COL4A4: variants seen among roughly 807,000 people sequenced by gnomAD.
The protein encoded by COL4A4 is collagen alpha-4(IV) chain.
COL4A4 carries 105 observed loss-of-function variants against 192.9 expected under a neutral mutation model. That is an observed-to-expected ratio of 0.54 (90% CI 0.46 to 0.64). The LOEUF (loss-of-function observed/expected upper bound fraction) is 0.64, where lower values mean the gene tolerates loss of function less well. COL4A4 is among the 30% of genes least tolerant of loss of function. COL4A4 has a pLI of 0.00. For missense variants in COL4A4, 1,967 were observed against 2,169.3 expected (o/e 0.91, Z 1.85); for synonymous variants, 762 against 769.9 (o/e 0.99, Z 0.17).
chr2:227,109,095 T>G, intron 10 of COL4A4, 129 bp downstream of exon 10: 3 of 977,310 alleles, frequency 3.1e-6, no homozygotes, highest in Non-Finnish European at 5.0e-6. Context: ...ATGGTGGGTT[T>G]TCACTGATTC....
chr2:227,049,859 G>C (rs1488884786), intron 34 of COL4A4, among the ~76,000 whole-genome samples: 1 of 152,242 alleles, frequency 6.6e-6, no homozygotes, highest in Non-Finnish European at 1.5e-5. Context: ...GAGCCTGCAG[G>C]CATGCTGTTT....
chr2:227,149,955 G>T (rs1011751361), intron 1 of COL4A4, among the ~76,000 whole-genome samples: 1 of 152,202 alleles, frequency 6.6e-6, no homozygotes, highest in African/African-American at 2.4e-5. Context: ...GACACTGGGA[G>T]TAGCCAATGC....
At chr2:227,000,798 A>C (rs1394166544), downstream of COL4A4, among the ~76,000 whole-genome samples, 1 of 151,790 alleles carries the variant, frequency 6.6e-6, no homozygotes, top group African/African-American at 2.4e-5. Context: ...GGGAGGTCTC[A>C]TGGAATCATG....
At chr2:227,099,533 T>C (rs2060389965) in intron 18 of COL4A4, 87 bp downstream of exon 18, 5 of 1,218,752 alleles carry the variant, frequency 4.1e-6, no homozygotes, top group Non-Finnish European at 6.1e-6. Flanking sequence ...GTGCAAGCTA[T>C]GGAAATACTG....
chr2:227,021,975 A>C (rs1191753412), intron 44 of COL4A4, 73 bp downstream of exon 44: 13 of 1,548,814 alleles, frequency 8.4e-6, no homozygotes, highest in Non-Finnish European at 1.1e-5. Flanking sequence ...AAAAAGCTAC[A>C]AAATAAAAGA....
intron 1 of COL4A4, among the ~76,000 whole-genome samples, chr2:227,158,439 C>T (rs987251868): frequency 6.6e-6 from 1 of 151,854 alleles, no homozygotes. Flanking sequence ...TCTCAGGTAA[C>T]AAGAAAAGCA....
intron 4 of COL4A4, among the ~76,000 whole-genome samples, chr2:227,122,503 G>C (rs1349341520): frequency 2.0e-5 from 3 of 152,176 alleles, no homozygotes; most frequent in African/African-American, 2.4e-5. Context: ...GCTAATACAG[G>C]GTTGCCCCTT....
intron 37 of COL4A4, 82 bp downstream of exon 37, chr2:227,042,066 C>G (rs935790768): frequency 1.2e-5 from 10 of 856,496 alleles, no homozygotes; most frequent in Non-Finnish European, 1.8e-5. Context: ...CAGGGTCACT[C>G]ACTGGTACAG....
rs898057111 is a variant in COL4A4, at chr2:227,007,245, G to C, written c.*80C>G. On this transcript the variant is annotated 3_prime_UTR_variant, in exon 48 of 48. Transcript: ENST00000396625. Reference sequence around the variant, plus strand: ...AAAGGGAGTCCAAAATGAGCACCATGACATCTCTTAGCACAGTCTAGGAAG... The same window carrying C: ...AAAGGGAGTCCAAAATGAGCACCATCACATCTCTTAGCACAGTCTAGGAAG... 5 of 1,588,366 alleles carry C rather than the reference G, an allele frequency of 3.1e-6. No homozygotes were observed. Among genetic ancestry groups the C allele is most frequent in the Admixed American group, 1.7e-5 (1 of 59,966 alleles).
At chr2:227,053,529 A>C (rs903626635) in intron 31 of COL4A4, among the ~76,000 whole-genome samples, 3 of 141,458 alleles carry the variant, frequency 2.1e-5, no homozygotes, top group African/African-American at 7.9e-5. Context: ...TAAAGAAAAC[A>C]TTTTTTTCTT....
rs181740763 is a variant in COL4A4 at position 227,052,594 on chromosome 2, G to A, written c.2861-182C>T. ...TAAAGGAAGGTCAGTCATCTTTTAC[G>A]TTCCTGACCCCATTTGTCCAGCCAC... On this transcript the variant is annotated intron_variant, in intron 31 of 47. Transcript: ENST00000396625. Among the ~76,000 whole-genome samples the A allele has an allele frequency of 4.7e-3, 713 of 152,216 alleles. 2 individuals carry two copies. The highest frequency in any genetic ancestry group is 7.6e-3 in the Non-Finnish European group (515 of 68,010).
intron 12 of COL4A4, among the ~76,000 whole-genome samples, chr2:227,104,838 T>A (rs2060738326): frequency 1.3e-5 from 2 of 151,216 alleles, no homozygotes; most frequent in South Asian, 2.1e-4. Flanking sequence ...CGGGGGTTTC[T>A]CCATGTTGGT....
intron 44 of COL4A4, among the ~76,000 whole-genome samples, chr2:227,021,818 C>A (rs1045045695): frequency 7.0e-6 from 1 of 142,194 alleles, no homozygotes; most frequent in Non-Finnish European, 1.5e-5. Flanking sequence ...GAGCAAGACT[C>A]CATCTCAAAA....
intron 42 of COL4A4, 37 bp from the exon 43 acceptor site, chr2:227,025,847 A>G (rs773226807): frequency 1.1e-5 from 18 of 1,606,564 alleles, no homozygotes; most frequent in South Asian, 1.1e-5. Flanking sequence ...AGGCCAGTCC[A>G]TGATTTTCAC....
chr2:227,150,699 CAGA>C (rs920032374), intron 1 of COL4A4, among the ~76,000 whole-genome samples: 1 of 152,128 alleles, frequency 6.6e-6, no homozygotes, highest in Non-Finnish European at 1.5e-5. Context: ...CAGCAGGAGA[CAGA>C]AGGAGTACTG....
At chr2:227,034,547 T>C (rs1247981715) in intron 37 of COL4A4, among the ~76,000 whole-genome samples, 1 of 151,464 alleles carries the variant, frequency 6.6e-6, no homozygotes, top group Non-Finnish European at 1.5e-5. Flanking sequence ...TGTTCTTTTT[T>C]TTTTTTAATT....
chr2:226,992,717 G>C, the COL4A4 span, among the ~76,000 whole-genome samples: 81 of 152,322 alleles, frequency 5.3e-4, no homozygotes, highest in Non-Finnish European at 9.7e-4. Context: ...TATCCATGAA[G>C]AAAAGGGACA....
At chr2:227,096,051 T>C (rs910187176) in intron 19 of COL4A4, among the ~76,000 whole-genome samples, 50 of 152,274 alleles carry the variant, frequency 3.3e-4, no homozygotes, top group African/African-American at 1.1e-3. Flanking sequence ...CTGTCCTACA[T>C]CCTCTTGTTG....
At chr2:227,118,198 A>G (rs2061589912) in intron 7 of COL4A4, among the ~76,000 whole-genome samples, 1 of 152,112 alleles carries the variant, frequency 6.6e-6, no homozygotes, top group Non-Finnish European at 1.5e-5. Flanking sequence ...TCCAACTATT[A>G]TAATAAGTGC....
Sources: gnomAD v4.1 joint callset for allele counts (sites outside exome capture counted in the v4.1 genomes callset) on GRCh38, gnomAD v4.1.1 for gene constraint, MANE v1.5 for transcripts, NCBI Gene and HGNC (gene_info 2026-07-23, HGNC 2026-07-21) for gene names.